Variants in SLC22A17 observed in about 807,000 individuals in gnomAD.
The protein encoded by SLC22A17 is 24p3 receptor.
SLC22A17 carries 38 observed loss-of-function variants against 53.6 expected under a neutral mutation model. That is an observed-to-expected ratio of 0.71 (90% confidence interval 0.55 to 0.93). SLC22A17 has a LOEUF of 0.93. Ranked by LOEUF, SLC22A17 falls within the 40% of genes least tolerant of loss-of-function variation. The pLI, the probability that SLC22A17 is intolerant of heterozygous loss-of-function variation, is 0.00. For synonymous variants in SLC22A17, 379 were observed against 353.0 expected (o/e 1.07, Z -0.82); for missense variants, 704 against 791.0 (o/e 0.89, Z 1.32).
rs1889291504 is a variant in SLC22A17 at position 23,347,474 on chromosome 14, C to T, written c.1535G>A (p.Gly512Glu). Residue 512 changes from glycine to glutamate, a missense_variant, in exon 8 of 10, where the codon GGG becomes GAG. Transcript: ENST00000397267. The surrounding 1 kb of genome is among the most constrained non-coding windows in gnomAD (Gnocchi z 5.1). Reference sequence around the variant, plus strand: ...GTCTGAAGCACCTCTGTTGGGGTTCCCTTGTTGAGCCCACACTGTGGGGAA... The same window carrying T: ...GTCTGAAGCACCTCTGTTGGGGTTCTCTTGTTGAGCCCACACTGTGGGGAA... The T allele has an allele frequency of 6.2e-7, 1 of 1,613,868 alleles. No individual in the cohort carries two copies. The highest frequency in any genetic ancestry group is 8.5e-7 in the Non-Finnish European group (1 of 1,179,906).
chr14:23,346,727 C>T (rs1387474171), exon 10 of SLC22A17: 18 of 1,545,138 alleles, frequency 1.2e-5, no homozygotes, highest in Non-Finnish European at 1.5e-5. Context: ...CAGGGAAGGC[C>T]GGCGACACAG....
At chr14:23,351,524 C>A in intron 3 of SLC22A17, 1 of 522,530 alleles carries the variant, frequency 1.9e-6, no homozygotes. Flanking sequence ...GGGAATGGGA[C>A]TAATAGTCCA....
Position 23,352,207 on chromosome 14 carries a change from G to A in SLC22A17, c.341C>T (p.Ser114Leu). ...GGGCGCCAGCGTGAAGATGGGGTCCGAGGCCATGCCCAGAGCCACGAAGAG... is the reference window on the plus strand; with the variant it reads ...GGGCGCCAGCGTGAAGATGGGGTCCAAGGCCATGCCCAGAGCCACGAAGAG... Residue 114 changes from serine (S) to leucine (L), a missense_variant, in exon 2 of 10, where the codon TCG becomes TTG. Physicochemically the swap from Ser to Leu is moderately radical, Grantham distance 145 (BLOSUM62 -2). Coordinates refer to ENST00000397267, the Ensembl canonical transcript of SLC22A17. This position sits in a 1 kb window ranked among gnomAD's most constrained non-coding sequence, Gnocchi z 7.2. 1 of 1,502,630 alleles carries A rather than the reference G, an allele frequency of 6.7e-7. No homozygotes were observed. The highest frequency in any genetic ancestry group is 8.8e-7 in the Non-Finnish European group (1 of 1,130,294). 93.1% of individuals were successfully genotyped at this position (1,502,630 alleles called of 1,614,324 possible).
intron 3 of SLC22A17, among the ~76,000 whole-genome samples, chr14:23,350,037 G>A (rs895496333): frequency 6.6e-6 from 1 of 152,172 alleles, no homozygotes; most frequent in Non-Finnish European, 1.5e-5. Flanking sequence ...TGGGCGCAGT[G>A]GCTCACACCT....
In SLC22A17 at chr14:23,352,084, G is replaced by A; in HGVS notation, c.464C>T (p.Ala155Val). Reference sequence around the variant, plus strand: ...GGCGACACGGCTGGCGGCGCTGGCTGCTAGGGCAGCGCTGGCGACGCTGAC... The same window carrying A: ...GGCGACACGGCTGGCGGCGCTGGCTACTAGGGCAGCGCTGGCGACGCTGAC... The change falls in exon 2 of 10, where the codon GCA becomes GTA. Residue 155 changes from alanine (A) to valine (V), a missense_variant. Coordinates refer to ENST00000397267, the Ensembl canonical transcript of SLC22A17. The surrounding 1 kb of genome is among the most constrained non-coding windows in gnomAD (Gnocchi z 7.2). 1 of 1,593,474 alleles carries A rather than the reference G, an allele frequency of 6.3e-7. No homozygotes were observed.
Position 23,352,120 on chromosome 14 carries a change from T to C in SLC22A17, c.428A>G (p.Asn143Ser), listed in dbSNP as rs746181868. Residue 143 changes from asparagine to serine, a missense_variant, in exon 2 of 10, where the codon AAT becomes AGT. By Grantham distance (46) the Asn-to-Ser change is conservative. This residue lies in a region of SLC22A17 where 435 missense variants were observed against 529.0 expected (regional missense o/e 0.82). Coordinates refer to ENST00000397267, the Ensembl canonical transcript of SLC22A17. The surrounding 1 kb of genome is among the most constrained non-coding windows in gnomAD (Gnocchi z 7.2). ...GCTGGCGACGCTGACGCCGCTGGCA[T>C]TGGGAGGCTGCTCCCAGCCAGAGGC... 1.9e-6 allele frequency: 3 copies of C among 1,581,148 alleles called. No homozygotes were observed. Among genetic ancestry groups the C allele is most frequent in the East Asian group, 4.6e-5 (2 of 43,580 alleles).
Position 23,347,101 on chromosome 14 carries a change from C to T in SLC22A17, c.1661G>A (p.Arg554Gln). Reference sequence around the variant, plus strand: ...CCCCTGGGGGCACCCCTGCTCTCACCGGACAGTGGTGGGGATGACCTCAGC... The same window carrying T: ...CCCCTGGGGGCACCCCTGCTCTCACTGGACAGTGGTGGGGATGACCTCAGC... Residue 554 changes from arginine (R) to glutamine (Q), a missense_variant and splice_region_variant, in exon 9 of 10, where the codon CGG becomes CAG. Around this residue, in one of 4 missense-constraint regions of SLC22A17, gnomAD observed 196 missense variants for 171.5 expected, o/e 1.14. Transcript: ENST00000397267. The surrounding 1 kb of genome is among the most constrained non-coding windows in gnomAD (Gnocchi z 5.1). 3.7e-6 allele frequency: 6 copies of T among 1,611,360 alleles called. No individual in the cohort carries two copies. The highest frequency in any genetic ancestry group is 1.1e-5 in the South Asian group (1 of 90,690).
Position 23,346,634 on chromosome 14 carries a change from T to TACTCAGAGGCC in SLC22A17, c.*3_*13dup, listed in dbSNP as rs755643597. Reference sequence around the variant, plus strand: ...TGTGTGGGCCAGCCTCCCGCCAGGGTACTCAGAGGCCGCTCAGAGGGCAGG... The same window carrying TACTCAGAGGCC: ...TGTGTGGGCCAGCCTCCCGCCAGGGTACTCAGAGGCCACTCAGAGGCCGCTCAGAGGGCAGG... On this transcript the variant is annotated 3_prime_UTR_variant, in exon 10 of 10. Transcript: ENST00000397267. 7.2e-5 allele frequency: 105 copies of TACTCAGAGGCC among 1,466,064 alleles called. No individual in the cohort carries two copies. In the African/African-American group the frequency reaches 1.3e-3, roughly 18 times the overall value. The allele number at this position is 1,466,064 out of a possible 1,614,324, so 90.8% of individuals were successfully genotyped here.
chr14:23,349,712 A>G (rs993003044), intron 3 of SLC22A17: 9 of 494,806 alleles, frequency 1.8e-5, no homozygotes, highest in African/African-American at 1.5e-4. Flanking sequence ...ACATCACTCA[A>G]CAGAGGGGAT....
In SLC22A17 at chr14:23,347,502, T is replaced by C. The variant is rs774761470; in HGVS notation, c.1507A>G (p.Ile503Val). ...TGTTGAGCCCACACTGTGGGGAAGA[T>C]AGGATGCTCACAATCCCACAGGCCC... is the stretch of plus-strand genomic sequence containing the variant. Residue 503 changes from isoleucine to valine, a missense_variant, in exon 8 of 10, where the codon ATC (isoleucine) becomes GTC (valine). Transcript: ENST00000397267. The surrounding 1 kb of genome is among the most constrained non-coding windows in gnomAD (Gnocchi z 5.1). The C allele has an allele frequency of 1.2e-6, 2 of 1,613,856 alleles. No individual in the cohort carries two copies. The highest frequency in any genetic ancestry group is 8.5e-7 in the Non-Finnish European group (1 of 1,179,898).
At chr14:23,346,549 G>T in exon 10 of SLC22A17, 1 of 1,383,830 alleles carries the variant, frequency 7.2e-7, no homozygotes, top group Non-Finnish European at 9.5e-7. Flanking sequence ...AGGTGCCTCT[G>T]AGACTTCTGG....
Position 23,347,923 on chromosome 14 carries a change from G to C in SLC22A17, c.1245C>G (p.Ile415Met), listed in dbSNP as rs1166321681. ...AGCCCAGGATAAGCAGATTTTTCCA[G>C]ATGTTGCGGTAGTTGAGGAGGGAAG... Residue 415 changes from isoleucine (I) to methionine (M), a missense_variant, in exon 7 of 10, where the codon ATC (isoleucine) becomes ATG (methionine). This residue lies in a region of SLC22A17 where 435 missense variants were observed against 529.0 expected (regional missense o/e 0.82). Transcript: ENST00000397267. The surrounding 1 kb of genome is among the most constrained non-coding windows in gnomAD (Gnocchi z 5.1). 2 of 1,614,074 alleles carry C rather than the reference G, an allele frequency of 1.2e-6. No individual in the cohort carries two copies. Among genetic ancestry groups the C allele is most frequent in the Non-Finnish European group, 1.7e-6 (2 of 1,180,034 alleles).
At chr14:23,351,837 G>C in exon 3 of SLC22A17, 1 of 1,613,616 alleles carries the variant, frequency 6.2e-7, no homozygotes, top group African/African-American at 1.3e-5. Flanking sequence ...TGCCAGCCCA[G>C]GTCACACACC....
Position 23,347,894 on chromosome 14 carries a change from G to C in SLC22A17, c.1274C>G (p.Thr425Ser), listed in dbSNP as rs765678303. The change falls in exon 7 of 10, where the codon ACC becomes AGC. Residue 425 changes from threonine to serine, a missense_variant. By Grantham distance (58) the Thr-to-Ser change is moderately conservative (BLOSUM62 1). Coordinates refer to ENST00000397267, the Ensembl canonical transcript of SLC22A17. The surrounding 1 kb of genome is among the most constrained non-coding windows in gnomAD (Gnocchi z 5.1). Reference sequence around the variant, plus strand: ...CAGCCCAGACACCCAGGCTCACTTGGTGAAGCCCAGGATAAGCAGATTTTT... The same window carrying C: ...CAGCCCAGACACCCAGGCTCACTTGCTGAAGCCCAGGATAAGCAGATTTTT... 3.0e-5 allele frequency: 48 copies of C among 1,614,026 alleles called. No individual in the cohort carries two copies. The highest frequency in any genetic ancestry group is 4.0e-5 in the Non-Finnish European group (47 of 1,179,998).
At chr14:23,349,182 T>C (rs765019483) in intron 4 of SLC22A17, 90 bp downstream of exon 4, 1 of 1,530,202 alleles carries the variant, frequency 6.5e-7, no homozygotes, top group Non-Finnish European at 9.1e-7. Flanking sequence ...GCAGCTGAAA[T>C]GTGGCCTAGG....
chr14:23,350,134 T>A (rs1189156105), intron 3 of SLC22A17, among the ~76,000 whole-genome samples: 1 of 152,074 alleles, frequency 6.6e-6, no homozygotes, highest in Non-Finnish European at 1.5e-5. Flanking sequence ...TGAAACCCCA[T>A]CCTTACTAAA....
In SLC22A17 at chr14:23,352,801, A is replaced by C. The variant is rs989990564; in HGVS notation, c.-60T>G. 2 of 398,572 alleles carry C rather than the reference A, an allele frequency of 5.0e-6. No individual in the cohort carries two copies. The highest frequency in any genetic ancestry group is 4.4e-6 in the Non-Finnish European group (1 of 225,708). 24.7% of individuals were successfully genotyped at this position (398,572 alleles called of 1,614,324 possible). A position where few individuals can be genotyped will look rare whatever the true frequency, so the allele number is the denominator to read the frequency against. On this transcript the variant is annotated 5_prime_UTR_variant, in exon 1 of 10. Transcript: ENST00000397267. This position sits in a 1 kb window ranked among gnomAD's most constrained non-coding sequence, Gnocchi z 7.2. ...GAAAGGATGCGCTGTCCTCTGGCTC[A>C]GTTGCGCGCCGGCTGCCCGGACACA...
chr14:23,348,750 GGGA>G lies in SLC22A17; in HGVS notation c.860-82_860-80del. ...CATAAGAGAGAAGAAGAAAGAGGGAGGGAGGAGGACAGAGAGAGAGGTCAGACC... is the reference window on the plus strand; with the variant it reads ...CATAAGAGAGAAGAAGAAAGAGGGAGGGAGGACAGAGAGAGAGGTCAGACC... On this transcript the variant is annotated intron_variant, in intron 4 of 9. Transcript: ENST00000397267. The surrounding 1 kb of genome is among the most constrained non-coding windows in gnomAD (Gnocchi z 4.5). The G allele has an allele frequency of 1.4e-6, 2 of 1,430,546 alleles. No homozygotes were observed. Among genetic ancestry groups the G allele is most frequent in the Non-Finnish European group, 1.9e-6 (2 of 1,068,002 alleles). 88.6% of individuals were successfully genotyped at this position (1,430,546 alleles called of 1,614,324 possible). A position where few individuals can be genotyped will look rare whatever the true frequency, so the allele number is the denominator to read the frequency against.
rs1219330683 is a variant in SLC22A17, at chr14:23,346,949, AGAG to A, written c.1662-16_1662-14del. On this transcript the variant is annotated splice_polypyrimidine_tract_variant and intron_variant, in intron 9 of 9. Transcript: ENST00000397267. ...CAGGCCACGGCCCCTGGGGGGAGACAGAGGAGGAGCTCAGCCCACAGCTGTAGC... is the reference window on the plus strand; with the variant it reads ...CAGGCCACGGCCCCTGGGGGGAGACAGAGGAGCTCAGCCCACAGCTGTAGC... 6.6e-7 allele frequency: 1 copy of A among 1,525,898 alleles called. No homozygotes were observed. Among genetic ancestry groups the A allele is most frequent in the Non-Finnish European group, 8.8e-7 (1 of 1,141,058 alleles). 94.5% of individuals were successfully genotyped at this position (1,525,898 alleles called of 1,614,324 possible).
Sources: gnomAD v4.1 joint callset for allele counts (sites outside exome capture counted in the v4.1 genomes callset) on GRCh38, gnomAD v4.1.1 for gene constraint, gnomAD v4.1.1 regional missense constraint, Gnocchi (gnomAD v3.1) non-coding constraint, MANE v1.5 for transcripts, NCBI Gene and HGNC (gene_info 2026-07-23, HGNC 2026-07-21) for gene names.